The following CCDC167 variants were observed in gnomAD, a reference collection of about 807,000 sequenced individuals.
CCDC167 encodes coiled-coil domain containing 167.
In CCDC167, 15 loss-of-function variants were observed where a neutral mutation model predicts 12.7. The observed-to-expected ratio is 1.18, with a 90% CI of 0.79 to 1.81. The LOEUF (loss-of-function observed/expected upper bound fraction) is 1.81. CCDC167 is among the 40% of genes most tolerant of loss of function. CCDC167 has a pLI of 0.00. For synonymous variants in CCDC167, 52 were observed against 49.0 expected (o/e 1.06, Z -0.26); for missense variants, 121 against 120.1 (o/e 1.01, Z -0.03).
intron 1 of CCDC167, among the ~76,000 whole-genome samples, chr6:37,491,775 T>C (rs1035390091): frequency 1.3e-5 from 2 of 152,244 alleles, no homozygotes; most frequent in African/African-American, 2.4e-5. Flanking sequence ...CTACATGCTT[T>C]ACACCGATTA....
At chr6:37,494,032 A>C (rs2113909077) in intron 1 of CCDC167, among the ~76,000 whole-genome samples, 1 of 134,608 alleles carries the variant, frequency 7.4e-6, no homozygotes, top group Admixed American at 7.5e-5. Flanking sequence ...TCAGCCTACC[A>C]CTTCTCATGG....
At chr6:37,496,122 G>A (rs1300994404) in intron 1 of CCDC167, among the ~76,000 whole-genome samples, 3 of 152,138 alleles carry the variant, frequency 2.0e-5, no homozygotes, top group African/African-American at 7.2e-5. Context: ...GAGAATACAT[G>A]CCCCACCAAG....
In CCDC167 at chr6:37,483,010, G is replaced by A. The variant is rs1049498286; in HGVS notation, c.*176C>T. On this transcript the variant is annotated 3_prime_UTR_variant, in exon 4 of 4. Coordinates refer to ENST00000373408, the MANE Select transcript of CCDC167 (RefSeq NM_138493.3). Reference sequence around the variant, plus strand: ...CAGCACCATGTCCTTCTGGAGACCCGGAACCCCCCAGCAGGCCAGGGAGGC... The same window carrying A: ...CAGCACCATGTCCTTCTGGAGACCCAGAACCCCCCAGCAGGCCAGGGAGGC... 4.1e-5 allele frequency: 28 copies of A among 684,218 alleles called. No homozygotes were observed. The highest frequency in any genetic ancestry group is 6.2e-5 in the Admixed American group (3 of 48,686). 42.4% of individuals were successfully genotyped at this position (684,218 alleles called of 1,614,324 possible). A position where few individuals can be genotyped will look rare whatever the true frequency, so the allele number is the denominator to read the frequency against.
intron 1 of CCDC167, among the ~76,000 whole-genome samples, chr6:37,492,417 ATTTG>A (rs1336524816): frequency 3.9e-5 from 6 of 152,208 alleles, no homozygotes; most frequent in Non-Finnish European, 7.3e-5. Context: ...CCTCATTGAA[ATTTG>A]TTTGTTGAGA....
rs1248299151 is a variant in CCDC167, at chr6:37,483,135, TG to T, written c.*50del. 3.5e-6 allele frequency: 5 copies of T among 1,423,352 alleles called. No individual in the cohort carries two copies. The African/African-American group carries it at 7.0e-5, about 20-fold the overall frequency. The allele number at this position is 1,423,352 out of a possible 1,614,324, so 88.2% of individuals were successfully genotyped here. The stretch of plus-strand genomic sequence containing the variant: ...GAGGCTTGAAGTGCCTGCTTGATCC[TG>T]ATCAAGGGGCCAAGTGGAAGCCTGT... On this transcript the variant is annotated 3_prime_UTR_variant, in exon 4 of 4. Coordinates refer to ENST00000373408, the MANE Select transcript of CCDC167 (RefSeq NM_138493.3).
chr6:37,488,946 G>A (rs1761979676), intron 1 of CCDC167, among the ~76,000 whole-genome samples: 1 of 152,180 alleles, frequency 6.6e-6, no homozygotes, highest in South Asian at 2.1e-4. Context: ...GGTGATAGAA[G>A]CAGGGGTGTG....
At chr6:37,499,639 C>T (rs1317273942) in intron 1 of CCDC167, among the ~76,000 whole-genome samples, 183 bp downstream of exon 1, 1 of 152,152 alleles carries the variant, frequency 6.6e-6, no homozygotes, top group African/African-American at 2.4e-5. Flanking sequence ...GGCACCTCCT[C>T]GGGCTCCCTG....
chr6:37,485,747 T>C (rs1761934424), intron 1 of CCDC167, among the ~76,000 whole-genome samples: 1 of 152,254 alleles, frequency 6.6e-6, no homozygotes, highest in South Asian at 2.1e-4. Context: ...TAGTCCAAGT[T>C]GTAAAAATAT....
intron 1 of CCDC167, among the ~76,000 whole-genome samples, chr6:37,494,316 G>A (rs1425164277): frequency 6.6e-6 from 1 of 152,138 alleles, no homozygotes; most frequent in Non-Finnish European, 1.5e-5. Context: ...GCCCGCCTGG[G>A]CCTCCCAAAG....
chr6:37,489,053 T>A (rs1171219907), intron 1 of CCDC167, among the ~76,000 whole-genome samples: 2 of 151,804 alleles, frequency 1.3e-5, no homozygotes, highest in Non-Finnish European at 2.9e-5. Flanking sequence ...CTGGCCAACA[T>A]GGTGAAACTC....
chr6:37,484,087 G>A (rs762447993), intron 3 of CCDC167, among the ~76,000 whole-genome samples: 17 of 152,208 alleles, frequency 1.1e-4, no homozygotes, highest in African/African-American at 3.6e-4. Context: ...AGGGTGCACC[G>A]GCCCAGACAT....
intron 1 of CCDC167, among the ~76,000 whole-genome samples, chr6:37,499,389 A>G (rs1301554392): frequency 2.6e-5 from 4 of 152,182 alleles, no homozygotes; most frequent in Non-Finnish European, 5.9e-5. Flanking sequence ...AACCATTAAT[A>G]ATATACACCA....
At chr6:37,485,674 T>C (rs1561797575) in intron 1 of CCDC167, among the ~76,000 whole-genome samples, 1 of 152,234 alleles carries the variant, frequency 6.6e-6, no homozygotes, top group Admixed American at 6.5e-5. Flanking sequence ...GCCGGGTGAT[T>C]AGACATCTAG....
chr6:37,497,185 C>T (rs1762106670), intron 1 of CCDC167, among the ~76,000 whole-genome samples: 1 of 152,202 alleles, frequency 6.6e-6, no homozygotes, highest in African/African-American at 2.4e-5. Context: ...TTACATACTC[C>T]TACCTTAGCC....
chr6:37,483,545 G>A (rs1480841826), intron 3 of CCDC167, among the ~76,000 whole-genome samples: 1 of 152,244 alleles, frequency 6.6e-6, no homozygotes, highest in Non-Finnish European at 1.5e-5. Context: ...TGAGGTTGAG[G>A]GTGAGGTGGG....
At chr6:37,498,756 C>A (rs1437350548) in intron 1 of CCDC167, among the ~76,000 whole-genome samples, 1 of 151,910 alleles carries the variant, frequency 6.6e-6, no homozygotes, top group Non-Finnish European at 1.5e-5. Context: ...ACCCAGAAGG[C>A]AGAGTTTACA....
At chr6:37,484,933 C>T in intron 2 of CCDC167, 71 bp from the exon 3 acceptor site, 1 of 1,593,620 alleles carries the variant, frequency 6.3e-7, no homozygotes, top group Non-Finnish European at 8.6e-7. Flanking sequence ...GCTGGCATGC[C>T]AGTTGGCAGG....
chr6:37,491,245 CA>C (rs1762017207), intron 1 of CCDC167, among the ~76,000 whole-genome samples: 1 of 152,208 alleles, frequency 6.6e-6, no homozygotes, highest in Non-Finnish European at 1.5e-5. Context: ...AAGCACGAGA[CA>C]GTTCGAGCCA....
At chr6:37,496,964 G>A (rs1762104687) in intron 1 of CCDC167, among the ~76,000 whole-genome samples, 1 of 152,186 alleles carries the variant, frequency 6.6e-6, no homozygotes, top group Admixed American at 6.5e-5. Flanking sequence ...ACACATCAGT[G>A]GGGTATGCCC....
Sources: gnomAD v4.1 joint callset for allele counts (sites outside exome capture counted in the v4.1 genomes callset) on GRCh38, gnomAD v4.1.1 for gene constraint, MANE v1.5 for transcripts, NCBI Gene and HGNC (gene_info 2026-07-23, HGNC 2026-07-21) for gene names.